MMP16: variants seen among roughly 807,000 people sequenced by gnomAD.
MMP16 encodes matrix metalloproteinase-16.
A neutral mutation model predicts 67.8 loss-of-function variants in MMP16; 12 were observed. That is an observed-to-expected ratio of 0.18 (90% CI 0.11 to 0.29). The LOEUF (loss-of-function observed/expected upper bound fraction) is 0.29, where lower values mean the gene tolerates loss of function less well. Ranked by LOEUF, MMP16 falls within the 10% of genes least tolerant of loss-of-function variation. The probability of loss-of-function intolerance (pLI) is 1.00; values close to 1 mark genes in which losing one functional copy is unlikely to be tolerated. For missense variants in MMP16, 475 were observed against 765.7 expected (o/e 0.62, Z 4.48); for synonymous variants, 249 against 255.9 (o/e 0.97, Z 0.26).
chr8:88,114,119 G>C (rs1220998397), intron 6 of MMP16, among the ~76,000 whole-genome samples: 1 of 151,828 alleles, frequency 6.6e-6, no homozygotes, highest in Non-Finnish European at 1.5e-5. Context: ...ATCTTTCAGT[G>C]TTTTTATGAG....
chr8:88,049,301 C>T (rs1808240345), intron 8 of MMP16, among the ~76,000 whole-genome samples: 3 of 152,164 alleles, frequency 2.0e-5, no homozygotes, highest in Non-Finnish European at 4.4e-5. Flanking sequence ...TTCATGGAAA[C>T]ATTTACTTTT....
In MMP16 at chr8:88,034,137, G is replaced by A. The variant is rs868779179; in HGVS notation, c.*7324C>T. ...ACTGTCTTTGCATGGAAGTTTTGAC[G>A]AAAAATACTGAGGAACAAAGACATT... On this transcript the variant is annotated 3_prime_UTR_variant, in exon 10 of 10. Coordinates refer to ENST00000286614, the MANE Select transcript of MMP16 (RefSeq NM_005941.5). 35 of 149,796 alleles carry A rather than the reference G, an allele frequency of 2.3e-4. No homozygotes were observed. Among genetic ancestry groups the A allele is most frequent in the African/African-American group, 8.1e-4 (33 of 40,670 alleles). 9.3% of individuals were successfully genotyped at this position (149,796 alleles called of 1,614,324 possible).
At chr8:88,042,452 C>G (rs1055215681) in intron 9 of MMP16, among the ~76,000 whole-genome samples, 8 of 152,154 alleles carry the variant, frequency 5.3e-5, no homozygotes, top group Non-Finnish European at 8.8e-5. Flanking sequence ...ATTCGGTACT[C>G]TAACCTCATT....
At position 88,226,876 on chromosome 8, in the gene MMP16, G is replaced by T. The variant is rs570558353; in HGVS notation, c.133-29570C>A. Among the ~76,000 whole-genome samples, 7 of 148,454 alleles carry T rather than the reference G, an allele frequency of 4.7e-5. 1 individual carries two copies. The highest frequency in any genetic ancestry group is 1.2e-4 in the African/African-American group (5 of 40,284). On this transcript the variant is annotated intron_variant, in intron 1 of 9. Transcript: ENST00000286614. ...TAATGAAAGAGTACTCAGCCTACAC[G>T]TATTTATTTATTTATTTATTTATTT... is the stretch of plus-strand genomic sequence containing the variant.
chr8:88,199,198 A>G (rs62524470), intron 1 of MMP16, among the ~76,000 whole-genome samples: 5,661 of 152,176 alleles, frequency 0.037, 142 homozygotes, highest in Middle Eastern at 0.078. Context: ...AAAACCATTA[A>G]CAATAAACCC....
At chr8:88,171,872 G>A (rs1808809335) in intron 3 of MMP16, among the ~76,000 whole-genome samples, 1 of 151,328 alleles carries the variant, frequency 6.6e-6, no homozygotes, top group South Asian at 2.1e-4. Context: ...TGTCACCTAG[G>A]CTGGAGTGCA....
At chr8:88,275,771 T>C (rs1057006243) in intron 1 of MMP16, among the ~76,000 whole-genome samples, 1 of 151,782 alleles carries the variant, frequency 6.6e-6, no homozygotes, top group Non-Finnish European at 1.5e-5. Flanking sequence ...TTAATACTCA[T>C]AGTAACAATC....
At chr8:88,318,315 C>T in intron 1 of MMP16, among the ~76,000 whole-genome samples, 1 of 152,062 alleles carries the variant, frequency 6.6e-6, no homozygotes, top group East Asian at 1.9e-4. Context: ...CATGGATTAC[C>T]AATTATCTAA....
chr8:88,057,350 A>G (rs530008176), intron 7 of MMP16, among the ~76,000 whole-genome samples: 1 of 152,230 alleles, frequency 6.6e-6, no homozygotes, highest in East Asian at 1.9e-4. Flanking sequence ...CAGGTTAGGG[A>G]TGATAGTAGT....
At chr8:88,125,122 G>A (rs561911033) in intron 4 of MMP16, among the ~76,000 whole-genome samples, 1 of 150,878 alleles carries the variant, frequency 6.6e-6, no homozygotes, top group Admixed American at 6.6e-5. Context: ...AGTCCAATTT[G>A]GCTGCTCAAA....
In MMP16 at chr8:88,155,198, G is replaced by T. The variant is rs186002240; in HGVS notation, c.709+12471C>A. Among the ~76,000 whole-genome samples the T allele has an allele frequency of 2.0e-5, 3 of 152,054 alleles. No homozygotes were observed. The East Asian group carries it at 5.8e-4, about 29-fold the overall frequency. On this transcript the variant is annotated intron_variant, in intron 4 of 9. Coordinates refer to ENST00000286614, the MANE Select transcript of MMP16 (RefSeq NM_005941.5). ...ACAGTAAGTGTAATTCAGGACACAT[G>T]ATTTCTAAAACAAATATTTATAAGG...
chr8:88,095,537 C>G (rs1451008419), intron 6 of MMP16, among the ~76,000 whole-genome samples: 1 of 151,800 alleles, frequency 6.6e-6, no homozygotes, highest in Admixed American at 6.6e-5. Flanking sequence ...CTGCTTATAC[C>G]TATTAGAAAA....
intron 6 of MMP16, among the ~76,000 whole-genome samples, chr8:88,078,811 A>G (rs1808696383): frequency 6.6e-6 from 1 of 152,230 alleles, no homozygotes; most frequent in African/African-American, 2.4e-5. Flanking sequence ...AATGTGTCAC[A>G]TGTTCACACT....
intron 4 of MMP16, among the ~76,000 whole-genome samples, chr8:88,164,833 T>G (rs1808684951): frequency 6.6e-6 from 1 of 151,768 alleles, no homozygotes; most frequent in Non-Finnish European, 1.5e-5. Context: ...TGATGAATAC[T>G]CTCAGCCAAA....
intron 1 of MMP16, among the ~76,000 whole-genome samples, chr8:88,294,434 A>C (rs1359885122): frequency 6.6e-6 from 1 of 151,348 alleles, no homozygotes; most frequent in Non-Finnish European, 1.5e-5. Context: ...ACACATATGT[A>C]TATGTCTATA....
chr8:88,147,955 T>C (rs1400960577), intron 4 of MMP16, among the ~76,000 whole-genome samples: 2 of 152,196 alleles, frequency 1.3e-5, no homozygotes, highest in Non-Finnish European at 2.9e-5. Context: ...TTGTATTATA[T>C]TACATCATTT....
At chr8:88,104,831 T>C (rs1453568056) in intron 6 of MMP16, among the ~76,000 whole-genome samples, 2 of 151,334 alleles carry the variant, frequency 1.3e-5, no homozygotes, top group Non-Finnish European at 3.0e-5. Flanking sequence ...AATGTGAGTG[T>C]TTGTGTCTTA....
At chr8:88,228,540 C>T (rs975797131) in intron 1 of MMP16, among the ~76,000 whole-genome samples, 3 of 151,990 alleles carry the variant, frequency 2.0e-5, no homozygotes, top group Admixed American at 2.0e-4. Flanking sequence ...ACTTGAAGTA[C>T]ATTTATTATA....
chr8:88,228,002 G>A (rs1809797623), intron 1 of MMP16, among the ~76,000 whole-genome samples: 2 of 151,990 alleles, frequency 1.3e-5, no homozygotes, highest in Admixed American at 1.3e-4. Flanking sequence ...AAAATTCCTA[G>A]AAGAAATACA....
Sources: gnomAD v4.1 joint callset for allele counts (sites outside exome capture counted in the v4.1 genomes callset) on GRCh38, gnomAD v4.1.1 for gene constraint, MANE v1.5 for transcripts, NCBI Gene and HGNC (gene_info 2026-07-23, HGNC 2026-07-21) for gene names.